The following ITPR2 variants were observed in gnomAD, a reference collection of about 807,000 sequenced individuals.
The protein encoded by ITPR2 is inositol 1,4,5-trisphosphate-gated calcium channel ITPR2.
In ITPR2, 207 loss-of-function variants were observed where a neutral mutation model predicts 317.1. That is an observed-to-expected ratio of 0.65 (90% CI 0.58 to 0.73). The LOEUF (loss-of-function observed/expected upper bound fraction) is 0.73. ITPR2 is among the 30% of genes least tolerant of loss of function. The pLI is 0.00. For synonymous variants in ITPR2, 1,156 were observed against 1,149.1 expected, an observed-to-expected ratio of 1.01 and a Z score of -0.12; for missense variants, 2,613 against 3,284.0, an observed-to-expected ratio of 0.80 and a Z score of 4.99.
At position 26,340,183 on chromosome 12, in the gene ITPR2, G is replaced by A. The variant is rs541786341; in HGVS notation, c.8003C>T (p.Ala2668Val). 1.3e-5 allele frequency: 21 copies of A among 1,603,086 alleles called. No individual in the cohort carries two copies. The highest frequency in any genetic ancestry group is 4.0e-5 in the African/African-American group (3 of 74,524). Residue 2668 changes from alanine to valine, a missense_variant, in exon 56 of 57, where the codon GCG becomes GTG. Physicochemically the swap from Ala to Val is moderately conservative, Grantham distance 64. Around this residue, in one of 9 missense-constraint regions of ITPR2, gnomAD observed 119 missense variants for 144.3 expected, o/e 0.82. Coordinates refer to ENST00000381340, the MANE Select transcript of ITPR2 (RefSeq NM_002223.4). ...SLVKQLSGQL[A>V]ELKEQMTEQR... ...TGCACCCACCTGCTCCTTGAGCTCC[G>A]CCAGCTGACCCGACAGCTGTTTGAC... is the stretch of plus-strand genomic sequence containing the variant.
In ITPR2 at chr12:26,411,368, C is replaced by T. The variant is rs756635665; in HGVS notation, c.7351G>A (p.Ala2451Thr). ...PTMTLTTMMEACAKENCSPTI... is the reference protein window; with the variant it reads ...PTMTLTTMMETCAKENCSPTI... ...GGTGAACAGTTCTCCTTGGCACATG[C>T]TTCCATCATGGTAGTTAAAGTCATA... Residue 2451 changes from alanine to threonine, a missense_variant, in exon 52 of 57, where the codon GCA becomes ACA. Physicochemically the swap from Ala to Thr is moderately conservative, Grantham distance 58. This residue lies in a region of ITPR2 where 113 missense variants were observed against 129.2 expected (regional missense o/e 0.87). Transcript: ENST00000381340. The T allele has an allele frequency of 2.5e-6, 4 of 1,613,666 alleles. No individual in the cohort carries two copies. The Admixed American group carries it at 6.7e-5, about 27-fold the overall frequency.
intron 34 of ITPR2, among the ~76,000 whole-genome samples, chr12:26,569,447 G>A (rs745840691): frequency 1.3e-4 from 19 of 151,562 alleles, no homozygotes; most frequent in South Asian, 2.1e-4. Context: ...CCAGCTACTC[G>A]GGAGACTGAG....
At chr12:26,682,385 C>A (rs944538832) in intron 12 of ITPR2, among the ~76,000 whole-genome samples, 189 bp downstream of exon 12, 1 of 152,240 alleles carries the variant, frequency 6.6e-6, no homozygotes, top group Non-Finnish European at 1.5e-5. Flanking sequence ...CACAGCTTTG[C>A]TGCCTCCAAC....
rs1164917712 is a variant in ITPR2, at chr12:26,832,673, C to T, written c.92+17G>A. 1.9e-6 allele frequency: 3 copies of T among 1,571,640 alleles called. No homozygotes were observed. The highest frequency in any genetic ancestry group is 1.7e-5 in the Admixed American group (1 of 57,520). On this transcript the variant is annotated intron_variant, in intron 1 of 56. Coordinates refer to ENST00000381340, the MANE Select transcript of ITPR2 (RefSeq NM_002223.4). ...ACCCGGAGCGCGAGCGCTGCCCAGC[C>T]CTCGTCTCCCGCTTACCCCAAGGTG...
intron 37 of ITPR2, among the ~76,000 whole-genome samples, chr12:26,549,291 C>T (rs993298538): frequency 5.3e-5 from 8 of 152,114 alleles, no homozygotes; most frequent in Admixed American, 2.0e-4. Context: ...AAGTAGAAGG[C>T]ATTTTGATTA....
At chr12:26,500,059 T>A (rs1943035531) in intron 37 of ITPR2, among the ~76,000 whole-genome samples, 1 of 152,192 alleles carries the variant, frequency 6.6e-6, no homozygotes, top group Non-Finnish European at 1.5e-5. Flanking sequence ...AAAATTCAGA[T>A]ATTGCTACAT....
intron 52 of ITPR2, among the ~76,000 whole-genome samples, chr12:26,409,786 C>T (rs764231008): frequency 6.6e-6 from 1 of 152,056 alleles, no homozygotes; most frequent in African/African-American, 2.4e-5. Context: ...AGGCTCATGG[C>T]ACATTAGAAC....
At chr12:26,661,689 G>A (rs1947507339) in intron 15 of ITPR2, among the ~76,000 whole-genome samples, 2 of 152,040 alleles carry the variant, frequency 1.3e-5, no homozygotes, top group South Asian at 4.2e-4. Flanking sequence ...TGCTCGTACG[G>A]GTGAAGTGGT....
chr12:26,653,866 G>GCA, intron 21 of ITPR2, 110 bp downstream of exon 21: 1 of 795,132 alleles, frequency 1.3e-6, no homozygotes, highest in Non-Finnish European at 2.0e-6. Flanking sequence ...GTGTTCATAT[G>GCA]CACACATATA....
chr12:26,669,922 A>T (rs1022415494), intron 13 of ITPR2, among the ~76,000 whole-genome samples: 1 of 152,234 alleles, frequency 6.6e-6, no homozygotes, highest in Non-Finnish European at 1.5e-5. Flanking sequence ...GGAGGGTCCT[A>T]CGCCCATGGG....
intron 5 of ITPR2, among the ~76,000 whole-genome samples, chr12:26,720,285 CTCATCTTAAAATA>C (rs1253818050): frequency 6.6e-6 from 1 of 152,132 alleles, no homozygotes; most frequent in Non-Finnish European, 1.5e-5. Flanking sequence ...ATGTTAAAAC[CTCATCTTAAAATA>C]TCATCTTAAA....
At chr12:26,832,121 G>A (rs1951121257) in intron 1 of ITPR2, among the ~76,000 whole-genome samples, 1 of 152,048 alleles carries the variant, frequency 6.6e-6, no homozygotes, top group South Asian at 2.1e-4. Context: ...CCAGGCCAGT[G>A]GGGCGAGTCC....
At chr12:26,350,531 G>A (rs1938447110) in intron 55 of ITPR2, among the ~76,000 whole-genome samples, 1 of 152,070 alleles carries the variant, frequency 6.6e-6, no homozygotes, top group Admixed American at 6.5e-5. Flanking sequence ...TCTCCCAGGT[G>A]GCCTGAAATA....
intron 1 of ITPR2, among the ~76,000 whole-genome samples, chr12:26,822,280 G>A (rs1400039079): frequency 6.6e-6 from 1 of 152,158 alleles, no homozygotes; most frequent in Non-Finnish European, 1.5e-5. Flanking sequence ...TTAACACATA[G>A]TTGAATTCTA....
intron 2 of ITPR2, among the ~76,000 whole-genome samples, chr12:26,772,538 G>GTATTATATA (rs1949886559): frequency 7.7e-6 from 1 of 130,054 alleles, no homozygotes; most frequent in Non-Finnish European, 1.6e-5. Flanking sequence ...TATAATACAT[G>GTATTATATA]TATTATATAT....
chr12:26,633,707 A>T (rs2136839549), intron 21 of ITPR2, among the ~76,000 whole-genome samples: 1 of 152,302 alleles, frequency 6.6e-6, no homozygotes, highest in African/African-American at 2.4e-5. Context: ...GACTGCAGGG[A>T]GGCACATCTG....
At chr12:26,381,539 C>A (rs1375656130) in intron 55 of ITPR2, among the ~76,000 whole-genome samples, 1 of 152,130 alleles carries the variant, frequency 6.6e-6, no homozygotes, top group Admixed American at 6.5e-5. Flanking sequence ...TGGTATTGTG[C>A]ATAACAAAGA....
rs745318979 is a variant in ITPR2, at chr12:26,439,237, C to A, written c.6533G>T (p.Cys2178Phe). 1.8e-5 allele frequency: 29 copies of A among 1,613,118 alleles called. No homozygotes were observed. The highest frequency in any genetic ancestry group is 2.5e-5 in the Non-Finnish European group (29 of 1,179,344). ...CCTTTCAGTTGTATTGAACACACGG[C>A]ACTTGGATTCTCGAGTGAGGTATTC... ...ICEYLTRESK[C>F]RVFNTTERDE... The change falls in exon 47 of 57, where the codon TGC (cysteine) becomes TTC (phenylalanine). Residue 2178 changes from cysteine (C) to phenylalanine (F), a missense_variant. Cys to Phe is a radical substitution (Grantham distance 205, BLOSUM62 -2). This residue lies in a region of ITPR2 where 926 missense variants were observed against 1,072.8 expected (regional missense o/e 0.86). Transcript: ENST00000381340.
At chr12:26,768,456 T>TAAAAAATA (rs71069263) in intron 2 of ITPR2, among the ~76,000 whole-genome samples, 2 of 106,468 alleles carry the variant, frequency 1.9e-5, no homozygotes, top group Admixed American at 8.9e-5. Flanking sequence ...AAATAAAAAA[T>TAAAAAATA]AAAAAAATAA....
Sources: allele counts gnomAD v4.1 joint callset (sites outside exome capture counted in the v4.1 genomes callset), GRCh38; gene constraint gnomAD v4.1.1; regional missense constraint gnomAD v4.1.1; transcripts MANE v1.5; gene names NCBI Gene and HGNC (gene_info 2026-07-23, HGNC 2026-07-21).